THAP3: variants seen among roughly 807,000 people sequenced by gnomAD.
THAP3 encodes the protein THAP domain-containing protein 3.
Under a neutral mutation model 17.7 loss-of-function variants are expected in THAP3, and 12 were observed. The observed-to-expected ratio is 0.68, with a 90% CI of 0.43 to 1.10. The LOEUF (loss-of-function observed/expected upper bound fraction) is 1.10. Among genes scored for constraint, THAP3 ranks in the 50% least tolerant of loss-of-function variants. The pLI is 0.00. For synonymous variants in THAP3, 133 were observed against 126.9 expected (o/e 1.05, Z -0.32); for missense variants, 289 against 318.0 (o/e 0.91, Z 0.69).
chr1:6,625,145 C>CCCCCGT lies in THAP3; in HGVS notation c.-69-5_-69-4insCCCCGT. 6.8e-7 allele frequency: 1 copy of CCCCCGT among 1,470,658 alleles called. No homozygotes were observed. The highest frequency in any genetic ancestry group is 9.1e-7 in the Non-Finnish European group (1 of 1,098,248). The allele number at this position is 1,470,658 out of a possible 1,614,324, so 91.1% of individuals were successfully genotyped here. On this transcript the variant is annotated splice_polypyrimidine_tract_variant and splice_region_variant and intron_variant, in intron 1 of 5. Coordinates refer to ENST00000054650, the MANE Select transcript of THAP3 (RefSeq NM_001195753.2). ...ACCTCCCAGCGGCCCCGCCCCTCCC[C>CCCCCGT]GCAGGTCCCTCCCCTCTCCGCAGGC...
In THAP3 at chr1:6,628,999, C is replaced by T. The variant is rs577627775; in HGVS notation, c.267+308C>T. ...GGTGGATCACCTGAGGTCAGGAATT[C>T]GATACCAGCCCAGCCAACATGTTGA... is the stretch of plus-strand genomic sequence containing the variant. On this transcript the variant is annotated intron_variant, in intron 3 of 5. Coordinates refer to ENST00000054650, the MANE Select transcript of THAP3 (RefSeq NM_001195753.2). Among the ~76,000 whole-genome samples, 13 of 152,274 alleles carry T rather than the reference C, an allele frequency of 8.5e-5. No homozygotes were observed. In the South Asian group the frequency reaches 2.1e-3, roughly 24 times the overall value.
downstream of THAP3, chr1:6,634,095 GGGA>G (rs767526516): frequency 1.9e-6 from 3 of 1,613,114 alleles, no homozygotes; most frequent in Non-Finnish European, 2.5e-6. Context: ...GTGAAGGATG[GGGA>G]GGAGGCCTCT....
In THAP3 at chr1:6,625,165, G is replaced by T. The variant is rs1046057833; in HGVS notation, c.-54G>T. On this transcript the variant is annotated 5_prime_UTR_variant, in exon 2 of 6. Transcript: ENST00000054650. ...CTCCCCGCAGGTCCCTCCCCTCTCC[G>T]CAGGCCCCGCCGCCGCCGCCATCTT... is the stretch of plus-strand genomic sequence containing the variant. 6.7e-6 allele frequency: 9 copies of T among 1,338,144 alleles called. No homozygotes were observed. The highest frequency in any genetic ancestry group is 8.2e-6 in the Non-Finnish European group (8 of 976,572). 82.9% of individuals were successfully genotyped at this position (1,338,144 alleles called of 1,614,324 possible). A position where few individuals can be genotyped will look rare whatever the true frequency, so the allele number is the denominator to read the frequency against.
rs1641420772 is a variant in THAP3, at chr1:6,625,036, C to T, written c.-70+82C>T. 3 of 626,118 alleles carry T rather than the reference C, an allele frequency of 4.8e-6. No homozygotes were observed. In the South Asian group the frequency reaches 6.1e-5, roughly 13 times the overall value. The allele number at this position is 626,118 out of a possible 1,614,324, so 38.8% of individuals were successfully genotyped here. A position where few individuals can be genotyped will look rare whatever the true frequency, so the allele number is the denominator to read the frequency against. On this transcript the variant is annotated intron_variant, in intron 1 of 5. Coordinates refer to ENST00000054650, the MANE Select transcript of THAP3 (RefSeq NM_001195753.2). ...CCGGAGCACCCCTTTACGTGGCGCC[C>T]CGGGTCCCGTCCGACCCTGGGGAGA...
intron 5 of THAP3, 79 bp downstream of exon 5, chr1:6,632,574 C>T: frequency 6.3e-7 from 1 of 1,587,834 alleles, no homozygotes; most frequent in Non-Finnish European, 8.6e-7. Context: ...AGTGAGCACC[C>T]ACCATGAGAC....
chr1:6,633,323 A>G lies in THAP3; in HGVS notation c.*246A>G. 1.4e-6 allele frequency: 2 copies of G among 1,387,574 alleles called. No homozygotes were observed. The highest frequency in any genetic ancestry group is 6.0e-5 in the Admixed American group (2 of 33,418). The allele number at this position is 1,387,574 out of a possible 1,614,324, so 86.0% of individuals were successfully genotyped here. On this transcript the variant is annotated 3_prime_UTR_variant, in exon 6 of 6. Transcript: ENST00000054650. ...ATGACAAGCTTATCCTCCCATGGTA[A>G]CAGAAGTCCAGGCTGAGGCTGATTC... is the stretch of plus-strand genomic sequence containing the variant.
chr1:6,634,297 C>A, downstream of THAP3: 1 of 912,648 alleles, frequency 1.1e-6, no homozygotes, highest in South Asian at 1.8e-5. Context: ...CAGGCTCATG[C>A]AACACGACGC....
At chr1:6,630,165 C>A in intron 3 of THAP3, 123 bp from the exon 4 acceptor site, 1 of 831,390 alleles carries the variant, frequency 1.2e-6, no homozygotes, top group Non-Finnish European at 2.1e-6. Context: ...TTTCATTTAG[C>A]AGCTGTTCGT....
intron 2 of THAP3, among the ~76,000 whole-genome samples, chr1:6,625,937 G>A (rs1374576967): frequency 6.6e-6 from 1 of 152,308 alleles, no homozygotes; most frequent in Middle Eastern, 3.4e-3. Context: ...TGAAGTATAC[G>A]TAATGTACAT....
At chr1:6,635,419 C>T, downstream of THAP3, 5 of 477,058 alleles carry the variant, frequency 1.0e-5, no homozygotes, top group South Asian at 1.3e-4. Context: ...CCCTTCCCTC[C>T]AGGAACTGAT....
chr1:6,633,229 CCGG>C lies in THAP3; in HGVS notation c.*155_*157del, dbSNP rs1280101340. 6.9e-7 allele frequency: 1 copy of C among 1,444,886 alleles called. No individual in the cohort carries two copies. The highest frequency in any genetic ancestry group is 1.4e-5 in the African/African-American group (1 of 69,784). 89.5% of individuals were successfully genotyped at this position (1,444,886 alleles called of 1,614,324 possible). A position where few individuals can be genotyped will look rare whatever the true frequency, so the allele number is the denominator to read the frequency against. On this transcript the variant is annotated 3_prime_UTR_variant, in exon 6 of 6. Coordinates refer to ENST00000054650, the MANE Select transcript of THAP3 (RefSeq NM_001195753.2). ...GGGATCGAGACAGTAGCCAAGCTCC[CCGG>C]CGAGAGCCCCAATGCCGTCTGGGGG... is the stretch of plus-strand genomic sequence containing the variant.
At chr1:6,625,521 G>A (rs1447185229) in intron 2 of THAP3, among the ~76,000 whole-genome samples, 1 of 151,994 alleles carries the variant, frequency 6.6e-6, no homozygotes, top group Non-Finnish European at 1.5e-5. Context: ...GGGCCGGGAC[G>A]TGCAGGGAGC....
intron 4 of THAP3, 91 bp downstream of exon 4, chr1:6,630,444 G>A: frequency 7.4e-7 from 1 of 1,345,020 alleles, no homozygotes; most frequent in Admixed American, 1.8e-5. Flanking sequence ...CCGGCCCGCA[G>A]GGCTGTCGCC....
At chr1:6,627,116 G>A (rs2148715438) in intron 2 of THAP3, among the ~76,000 whole-genome samples, 1 of 152,306 alleles carries the variant, frequency 6.6e-6, no homozygotes, top group South Asian at 2.1e-4. Flanking sequence ...CTTGGCCACA[G>A]GTGTCTCTTC....
At chr1:6,630,717 C>T (rs1184690878) in intron 4 of THAP3, among the ~76,000 whole-genome samples, 1 of 152,084 alleles carries the variant, frequency 6.6e-6, no homozygotes, top group Non-Finnish European at 1.5e-5. Context: ...ATTACAGATG[C>T]CCGCTACCAC....
chr1:6,625,742 A>C (rs1435258170), intron 2 of THAP3, among the ~76,000 whole-genome samples: 1 of 91,612 alleles, frequency 1.1e-5, no homozygotes, highest in African/African-American at 4.4e-5. Flanking sequence ...CTGCTCCAGC[A>C]CTCGCCCGGC....
chr1:6,633,998 T>G (rs1212283509), downstream of THAP3: 9 of 1,609,504 alleles, frequency 5.6e-6, no homozygotes, highest in Non-Finnish European at 7.6e-6. Context: ...ATTTCCTAAC[T>G]TGGGGTCTAT....
chr1:6,626,763 T>C (rs1557452618), intron 2 of THAP3, among the ~76,000 whole-genome samples: 2 of 152,232 alleles, frequency 1.3e-5, no homozygotes, highest in Non-Finnish European at 2.9e-5. Flanking sequence ...GGAGAATCAC[T>C]TGACCCTGGG....
At chr1:6,625,714 C>T (rs12127191) in intron 2 of THAP3, among the ~76,000 whole-genome samples, 54,578 of 151,594 alleles carry the variant, frequency 0.36, 10,116 homozygotes, top group South Asian at 0.47. Context: ...CGCGGGAGGA[C>T]GCTGGAGACT....
Sources: gnomAD v4.1 joint callset for allele counts (sites outside exome capture counted in the v4.1 genomes callset) on GRCh38, gnomAD v4.1.1 for gene constraint, MANE v1.5 for transcripts, NCBI Gene and HGNC (gene_info 2026-07-23, HGNC 2026-07-21) for gene names.